COPG1: variants seen among roughly 807,000 people sequenced by gnomAD.
The protein encoded by COPG1 is coat protein complex I subunit gamma 1, also known as coatomer subunit gamma-1.
COPG1 carries 29 observed loss-of-function variants against 102.8 expected under a neutral mutation model. The observed-to-expected ratio is 0.28, with a 90% CI of 0.21 to 0.38. The LOEUF (loss-of-function observed/expected upper bound fraction) is 0.38. COPG1 is among the 10% of genes least tolerant of loss of function. COPG1 has a pLI of 1.00. For synonymous variants in COPG1, 406 were observed against 421.6 expected (o/e 0.96, Z 0.45); for missense variants, 875 against 1,132.7 (o/e 0.77, Z 3.27).
At position 129,272,888 on chromosome 3, in the gene COPG1, A is replaced by C; in HGVS notation, c.2240A>C (p.Tyr747Ser). 1 of 1,605,892 alleles carries C rather than the reference A, an allele frequency of 6.2e-7. No homozygotes were observed. ...PTTGETDDEGYEDEYVLEDLE... is the reference protein window; with the variant it reads ...PTTGETDDEGSEDEYVLEDLE... ...ACTGGGGAGACTGATGACGAAGGCT[A>C]TGAGGATGAGTATGTGGTAAGATCC... Residue 747 changes from tyrosine (Y) to serine (S), a missense_variant, in exon 21 of 24, where the codon TAT becomes TCT. By Grantham distance (144) the Tyr-to-Ser change is moderately radical (BLOSUM62 -2). Transcript: ENST00000314797.
intron 20 of COPG1, among the ~76,000 whole-genome samples, 188 bp from the exon 21 acceptor site, chr3:129,272,619 A>C (rs1204652838): frequency 1.3e-5 from 2 of 152,026 alleles, no homozygotes; most frequent in East Asian, 1.9e-4. Context: ...AGAACTCATG[A>C]CTTTCCTGTC....
intron 2 of COPG1, among the ~76,000 whole-genome samples, chr3:129,251,976 C>T (rs896046188): frequency 1.3e-4 from 20 of 152,236 alleles, no homozygotes; most frequent in African/African-American, 4.6e-4. Flanking sequence ...TGAGCTACTG[C>T]GTCCAGCCGC....
Position 129,271,288 on chromosome 3 carries a change from T to G in COPG1, c.1844-479T>G, listed in dbSNP as rs1940176635. Among the ~76,000 whole-genome samples, 1 of 152,250 alleles carries G rather than the reference T, an allele frequency of 6.6e-6. No homozygotes were observed. Among genetic ancestry groups the G allele is most frequent in the Admixed American group, 6.5e-5 (1 of 15,284 alleles). Reference sequence around the variant, plus strand: ...GTTAGGTTTTCTGCAACACTCTCATTCTGAAATATCTCTTTATTGGCCATT... The same window carrying G: ...GTTAGGTTTTCTGCAACACTCTCATGCTGAAATATCTCTTTATTGGCCATT... On this transcript the variant is annotated intron_variant, in intron 18 of 23. Transcript: ENST00000314797. This position sits in a 1 kb window ranked among gnomAD's most constrained non-coding sequence, Gnocchi z 4.7.
At chr3:129,255,539 A>G (rs561665522) in intron 7 of COPG1, among the ~76,000 whole-genome samples, 57 of 149,012 alleles carry the variant, frequency 3.8e-4, no homozygotes, top group African/African-American at 1.3e-3. Context: ...CTGGAGTGCA[A>G]TGGCTCGATT....
chr3:129,256,128 G>A lies in COPG1; in HGVS notation c.553G>A (p.Ala185Thr). 3 of 1,613,870 alleles carry A rather than the reference G, an allele frequency of 1.9e-6. No individual in the cohort carries two copies. The highest frequency in any genetic ancestry group is 1.7e-5 in the Admixed American group (1 of 60,008). The change falls in exon 8 of 24, where the codon GCA becomes ACA. Residue 185 changes from alanine (A) to threonine (T), a missense_variant. Ala to Thr is a moderately conservative substitution (Grantham distance 58, BLOSUM62 0). Coordinates refer to ENST00000314797, the MANE Select transcript of COPG1 (RefSeq NM_016128.4). The stretch of plus-strand genomic sequence containing the variant: ...CTGGGTGAATGAGGCTCAGGAGGCA[G>A]CATCCAGTGATAACATCATGGTCCA... ...KRWVNEAQEA[A>T]SSDNIMVQYH...
At chr3:129,258,898 C>T (rs1939866792) in intron 10 of COPG1, among the ~76,000 whole-genome samples, 1 of 152,054 alleles carries the variant, frequency 6.6e-6, no homozygotes, top group Non-Finnish European at 1.5e-5. Context: ...GTGGTTGGTA[C>T]TGGAAAGTGG....
intron 23 of COPG1, among the ~76,000 whole-genome samples, chr3:129,276,551 T>C (rs1940272092): frequency 6.6e-6 from 1 of 152,214 alleles, no homozygotes; most frequent in Admixed American, 6.5e-5. Context: ...TCTGCTTCAG[T>C]ACCCTGCCTA....
At chr3:129,263,014 CAAA>C (rs1299713396) in intron 12 of COPG1, among the ~76,000 whole-genome samples, 1 of 54,306 alleles carries the variant, frequency 1.8e-5, no homozygotes, top group South Asian at 6.9e-4. Context: ...GACTCCGTCT[CAAA>C]AAAAAAAAAA....
In COPG1 at chr3:129,275,359, C is replaced by T. The variant is rs1940245727; in HGVS notation, c.2494+67C>T. 4.8e-5 allele frequency: 57 copies of T among 1,199,736 alleles called. No homozygotes were observed. The East Asian group carries it at 1.3e-3, about 27-fold the overall frequency. The allele number at this position is 1,199,736 out of a possible 1,614,324, so 74.3% of individuals were successfully genotyped here. A position where few individuals can be genotyped will look rare whatever the true frequency, so the allele number is the denominator to read the frequency against. On this transcript the variant is annotated intron_variant, in intron 23 of 23. Coordinates refer to ENST00000314797, the MANE Select transcript of COPG1 (RefSeq NM_016128.4). The surrounding 1 kb of genome is among the most constrained non-coding windows in gnomAD (Gnocchi z 5.0). Reference sequence around the variant, plus strand: ...AGCCTGGATGCCACTGGATCCTGGGCTAAGGACTCCACTGTAAATATGGGG... The same window carrying T: ...AGCCTGGATGCCACTGGATCCTGGGTTAAGGACTCCACTGTAAATATGGGG...
intron 5 of COPG1, 187 bp downstream of exon 5, chr3:129,253,142 C>T (rs1939735343): frequency 5.5e-6 from 3 of 548,034 alleles, no homozygotes; most frequent in East Asian, 3.1e-5. Context: ...AATTCTCTGA[C>T]CTTGACTTGG....
At chr3:129,253,050 T>C in intron 5 of COPG1, 95 bp downstream of exon 5, 2 of 1,106,244 alleles carry the variant, frequency 1.8e-6, no homozygotes, top group East Asian at 2.4e-5. Context: ...TGGTTGCATA[T>C]TGCCAGCTGC....
At chr3:129,260,925 CAG>C in intron 12 of COPG1, 118 bp downstream of exon 12, 1 of 999,308 alleles carries the variant, frequency 1.0e-6, no homozygotes, top group Non-Finnish European at 1.5e-6. Context: ...CTTGAGGACT[CAG>C]AGGAGGCCAG....
chr3:129,262,518 G>A (rs1193206955), intron 12 of COPG1, among the ~76,000 whole-genome samples: 1 of 152,042 alleles, frequency 6.6e-6, no homozygotes, highest in Non-Finnish European at 1.5e-5. Flanking sequence ...CTCCCAAAGT[G>A]CTGGGATTAC....
rs527946344 is a variant in COPG1, at chr3:129,250,788, C to T, written c.90+54C>T. Reference sequence around the variant, plus strand: ...CCATCATAAATATTCACCACCAATGCAACTGAAATACCAACACATTCAAAG... The same window carrying T: ...CCATCATAAATATTCACCACCAATGTAACTGAAATACCAACACATTCAAAG... On this transcript the variant is annotated intron_variant, in intron 2 of 23. Transcript: ENST00000314797. 3.5e-6 allele frequency: 5 copies of T among 1,431,568 alleles called. No homozygotes were observed. In the East Asian group the frequency reaches 1.1e-4, roughly 33 times the overall value. The allele number at this position is 1,431,568 out of a possible 1,614,324, so 88.7% of individuals were successfully genotyped here. A position where few individuals can be genotyped will look rare whatever the true frequency, so the allele number is the denominator to read the frequency against.
rs1286121300 is a variant in COPG1, at chr3:129,256,101, C to T, written c.526C>T (p.Arg176Cys). 6.8e-6 allele frequency: 11 copies of T among 1,613,794 alleles called. No individual in the cohort carries two copies. Among genetic ancestry groups the T allele is most frequent in the South Asian group, 3.3e-5 (3 of 91,070 alleles). The part of the protein sequence containing the change: ...LLKCSFDVVK[R>C]WVNEAQEAAS... ...GAAGTGCAGCTTTGACGTGGTCAAG[C>T]GCTGGGTGAATGAGGCTCAGGAGGC... The change falls in exon 8 of 24, where the codon CGC (arginine) becomes TGC (cysteine). Residue 176 changes from arginine (R) to cysteine (C), a missense_variant. By Grantham distance (180) the Arg-to-Cys change is radical (BLOSUM62 -3). Coordinates refer to ENST00000314797, the MANE Select transcript of COPG1 (RefSeq NM_016128.4).
intron 4 of COPG1, 71 bp downstream of exon 4, chr3:129,252,765 C>G: frequency 6.5e-7 from 1 of 1,535,162 alleles, no homozygotes; most frequent in Non-Finnish European, 9.0e-7. Context: ...CCAAAGAGAG[C>G]TGGCCCCACC....
At chr3:129,261,296 A>G (rs1373667391) in intron 12 of COPG1, among the ~76,000 whole-genome samples, 2 of 152,118 alleles carry the variant, frequency 1.3e-5, no homozygotes, top group Non-Finnish European at 2.9e-5. Context: ...CAGTCTGGGA[A>G]GGCCCTTCTG....
At chr3:129,254,765 C>T (rs778374543) in intron 6 of COPG1, 22 bp downstream of exon 6, 2 of 1,606,542 alleles carry the variant, frequency 1.2e-6, no homozygotes, top group Non-Finnish European at 1.7e-6. Flanking sequence ...CGGTTCCTCC[C>T]TGCTTCCTGG....
chr3:129,268,119 C>A, intron 16 of COPG1, 79 bp downstream of exon 16: 1 of 1,272,360 alleles, frequency 7.9e-7, no homozygotes, highest in Non-Finnish European at 1.1e-6. Context: ...CAGGGGAAAT[C>A]AGAGGCAAGA....
Sources: allele counts gnomAD v4.1 joint callset (sites outside exome capture counted in the v4.1 genomes callset), GRCh38; gene constraint gnomAD v4.1.1; non-coding constraint Gnocchi (gnomAD v3.1); transcripts MANE v1.5; gene names NCBI Gene and HGNC (gene_info 2026-07-23, HGNC 2026-07-21).